Variants in RNF13 observed in about 807,000 individuals in gnomAD.
The protein encoded by RNF13 is ring finger protein 13.
In RNF13, 19 loss-of-function variants were observed where a neutral mutation model predicts 37.7. The ratio of observed to expected loss-of-function variants is 0.50; its 90% confidence interval spans 0.35 to 0.74. RNF13 has a LOEUF of 0.74. Among genes scored for constraint, RNF13 ranks in the 30% least tolerant of loss-of-function variants. The pLI, the probability that RNF13 is intolerant of heterozygous loss-of-function variation, is 0.01. For synonymous variants in RNF13, 144 were observed against 157.8 expected (o/e 0.91, Z 0.65); for missense variants, 375 against 453.0 (o/e 0.83, Z 1.56).
chr3:149,860,766 A>G (rs556443236), intron 3 of RNF13, among the ~76,000 whole-genome samples: 1 of 152,206 alleles, frequency 6.6e-6, no homozygotes, highest in Non-Finnish European at 1.5e-5. Context: ...TAGACAAATG[A>G]TGCTATATTG....
upstream of RNF13, chr3:149,812,815 C>G (rs532711272): frequency 7.2e-5 from 11 of 152,942 alleles, no homozygotes; most frequent in African/African-American, 2.6e-4. Flanking sequence ...CTACTCTGTC[C>G]CAACAGCCGG....
At chr3:149,844,829 A>C (rs1419166511) in intron 1 of RNF13, among the ~76,000 whole-genome samples, 2 of 152,152 alleles carry the variant, frequency 1.3e-5, no homozygotes, top group African/African-American at 4.8e-5. Context: ...CAATGCAGTG[A>C]TTTTTAGTAT....
intron 8 of RNF13, among the ~76,000 whole-genome samples, chr3:149,946,861 G>T (rs900019500): frequency 1.3e-5 from 2 of 152,208 alleles, no homozygotes; most frequent in African/African-American, 4.8e-5. Flanking sequence ...ATTCCTTTAA[G>T]TGTCAGGTTA....
Position 149,911,912 on chromosome 3 carries a change from T to G in RNF13, c.501-66T>G, listed in dbSNP as rs1717034195. On this transcript the variant is annotated intron_variant, in intron 6 of 9. Coordinates refer to ENST00000392894, the MANE Select transcript of RNF13 (RefSeq NM_183381.3). Reference sequence around the variant, plus strand: ...CTGTTTTTAAAAATATTTTTTCCTGTTTTTAATTAACATCAGAATTTAACA... The same window carrying G: ...CTGTTTTTAAAAATATTTTTTCCTGGTTTTAATTAACATCAGAATTTAACA... The G allele has an allele frequency of 7.0e-6, 6 of 853,716 alleles. No individual in the cohort carries two copies. In the Admixed American group the frequency reaches 1.0e-4, roughly 14 times the overall value. The allele number at this position is 853,716 out of a possible 1,614,324, so 52.9% of individuals were successfully genotyped here.
intron 3 of RNF13, among the ~76,000 whole-genome samples, chr3:149,863,411 G>C (rs77135650): frequency 0.027 from 4,036 of 152,080 alleles, 69 homozygotes; most frequent in South Asian, 0.036. Context: ...ATGGAGACTC[G>C]CTCTGTCATG....
At chr3:149,848,728 G>T (rs374485701) in intron 2 of RNF13, among the ~76,000 whole-genome samples, 97 of 151,786 alleles carry the variant, frequency 6.4e-4, no homozygotes, top group African/African-American at 2.3e-3. Flanking sequence ...GTTTTGTTTT[G>T]TGTTTTTTTT....
chr3:149,885,126 C>T (rs1036442794), intron 4 of RNF13, among the ~76,000 whole-genome samples: 1 of 152,098 alleles, frequency 6.6e-6, no homozygotes, highest in Admixed American at 6.6e-5. Flanking sequence ...ATTCATTCAC[C>T]TGTGGATGGA....
chr3:149,874,124 G>T (rs1712412958), intron 4 of RNF13, among the ~76,000 whole-genome samples: 1 of 152,136 alleles, frequency 6.6e-6, no homozygotes, highest in South Asian at 2.1e-4. Context: ...TTATGAATAA[G>T]GGTCTAGTCT....
At chr3:149,878,081 G>A (rs1712955806) in intron 4 of RNF13, among the ~76,000 whole-genome samples, 1 of 152,144 alleles carries the variant, frequency 6.6e-6, no homozygotes, top group Non-Finnish European at 1.5e-5. Flanking sequence ...CTAATCTAAT[G>A]AAGCAGTGTA....
At position 149,921,180 on chromosome 3, in the gene RNF13, T is replaced by G. The variant is rs973623949; in HGVS notation, c.653T>G (p.Leu218Arg). 7.0e-7 allele frequency: 1 copy of G among 1,432,216 alleles called. No homozygotes were observed. Among genetic ancestry groups the G allele is most frequent in the Non-Finnish European group, 9.3e-7 (1 of 1,079,132 alleles). 88.7% of individuals were successfully genotyped at this position (1,432,216 alleles called of 1,614,324 possible). A position where few individuals can be genotyped will look rare whatever the true frequency, so the allele number is the denominator to read the frequency against. ...QDRHRARRNR[L>R]RKDQLKKLPV... ...AGACATAGAGCTAGAAGAAACAGAC[T>G]TCGTAAAGATCAACTTAAGAAACTT... Residue 218 changes from leucine (L) to arginine (R), a missense_variant, in exon 8 of 10, where the codon CTT (leucine) becomes CGT (arginine). By Grantham distance (102) the Leu-to-Arg change is moderately radical (BLOSUM62 -2). Coordinates refer to ENST00000392894, the MANE Select transcript of RNF13 (RefSeq NM_183381.3).
chr3:149,856,949 C>T (rs1443836363), intron 3 of RNF13, among the ~76,000 whole-genome samples: 1 of 152,076 alleles, frequency 6.6e-6, no homozygotes, highest in Non-Finnish European at 1.5e-5. Context: ...GGGGTTTCAC[C>T]GTGTTAGCTA....
intron 1 of RNF13, among the ~76,000 whole-genome samples, chr3:149,828,645 T>C (rs1345248812): frequency 6.6e-6 from 1 of 152,186 alleles, no homozygotes. Flanking sequence ...ATGAAGTCTG[T>C]TTTTCTTAGC....
intron 1 of RNF13, among the ~76,000 whole-genome samples, chr3:149,835,779 G>A (rs551903308): frequency 6.6e-6 from 1 of 151,994 alleles, no homozygotes; most frequent in Non-Finnish European, 1.5e-5. Flanking sequence ...TGTTATAAAC[G>A]TGTGTGCAAA....
intron 8 of RNF13, among the ~76,000 whole-genome samples, chr3:149,952,969 T>G (rs1420992096): frequency 1.3e-5 from 2 of 152,188 alleles, no homozygotes; most frequent in Non-Finnish European, 2.9e-5. Flanking sequence ...TTACCTTTGG[T>G]TTTTCTCCTC....
intron 1 of RNF13, among the ~76,000 whole-genome samples, chr3:149,833,715 C>A (rs75765795): frequency 0.014 from 2,123 of 152,276 alleles, 32 homozygotes; most frequent in Non-Finnish European, 0.023. Context: ...ACAAGGATTC[C>A]TGCCTTTGCC....
chr3:149,943,815 T>G (rs116175404), intron 8 of RNF13, among the ~76,000 whole-genome samples: 2 of 152,118 alleles, frequency 1.3e-5, no homozygotes, highest in Non-Finnish European at 2.9e-5. Flanking sequence ...TTTGTCTTTT[T>G]TTTTTTATAT....
chr3:149,922,610 A>C (rs1344265062), intron 8 of RNF13, among the ~76,000 whole-genome samples: 2 of 152,152 alleles, frequency 1.3e-5, no homozygotes, highest in Non-Finnish European at 2.9e-5. Context: ...ACAATATAAC[A>C]CTGTATAGTG....
chr3:149,901,568 CCT>C (rs1715844339), intron 5 of RNF13, among the ~76,000 whole-genome samples: 1 of 152,142 alleles, frequency 6.6e-6, no homozygotes, highest in African/African-American at 2.4e-5. Context: ...TTTCTCAACC[CCT>C]GTCAGCCTTT....
In RNF13 at chr3:149,962,101, A is replaced by G. The variant is rs879421996; in HGVS notation, c.*997A>G. ...ATGGCCTTGTATGAGGGGAGTTTGA[A>G]TGTTAATAAACATGTTTTCCACTTT... On this transcript the variant is annotated 3_prime_UTR_variant, in exon 10 of 10. Coordinates refer to ENST00000392894, the MANE Select transcript of RNF13 (RefSeq NM_183381.3). 6.6e-6 allele frequency: 1 copy of G among 152,638 alleles called. No homozygotes were observed. The highest frequency in any genetic ancestry group is 1.5e-5 in the Non-Finnish European group (1 of 68,028). The allele number at this position is 152,638 out of a possible 1,614,324, so 9.5% of individuals were successfully genotyped here.
Sources: allele counts gnomAD v4.1 joint callset (sites outside exome capture counted in the v4.1 genomes callset), GRCh38; gene constraint gnomAD v4.1.1; transcripts MANE v1.5; gene names NCBI Gene and HGNC (gene_info 2026-07-23, HGNC 2026-07-21).